TMX2: variants seen among roughly 807,000 people sequenced by gnomAD.
The protein encoded by TMX2 is thioredoxin related transmembrane protein 2.
TMX2 carries 20 observed loss-of-function variants against 33.4 expected under a neutral mutation model. The ratio of observed to expected loss-of-function variants is 0.60; its 90% CI spans 0.42 to 0.87. The LOEUF (loss-of-function observed/expected upper bound fraction) is 0.87, where lower values mean the gene tolerates loss of function less well. TMX2 is among the 40% of genes least tolerant of loss of function. The pLI is 0.00. For missense variants in TMX2, 340 were observed against 370.7 expected (o/e 0.92, Z 0.68); for synonymous variants, 166 against 140.7 (o/e 1.18, Z -1.27).
chr11:57,720,618 G>A (rs987495838), intron 1 of TMX2, among the ~76,000 whole-genome samples: 3 of 152,182 alleles, frequency 2.0e-5, no homozygotes, highest in Admixed American at 6.5e-5. Context: ...GGCTGATCTC[G>A]AACTTCTGGC....
chr11:57,729,788 A>G (rs1948239013), intron 1 of TMX2, among the ~76,000 whole-genome samples: 1 of 152,228 alleles, frequency 6.6e-6, no homozygotes, highest in Admixed American at 6.5e-5. Context: ...AAATATATAA[A>G]GAGCTCTAAT....
rs1948852129 is a variant in TMX2, at chr11:57,737,938, C to T, written c.276C>T (p.Asn92=). Residue 92 remains asparagine (N), a synonymous_variant, in exon 3 of 8, where the codon AAC becomes AAT. Coordinates refer to ENST00000278422, the MANE Select transcript of TMX2 (RefSeq NM_015959.4). ...RSITVEQHIG[N]IFMFSKVANT... ...TCACTGTGGAGCAACATATAGGCAA[C>T]ATTTTCATGTTTAGTAAAGTGGCCA... 6.2e-7 allele frequency: 1 copy of T among 1,614,118 alleles called. No individual in the cohort carries two copies. The highest frequency in any genetic ancestry group is 8.5e-7 in the Non-Finnish European group (1 of 1,179,988).
rs969758576 is a variant in TMX2, at chr11:57,740,629, C to T, written c.*384C>T. The T allele has an allele frequency of 1.2e-5, 2 of 169,644 alleles. No homozygotes were observed. The highest frequency in any genetic ancestry group is 4.8e-5 in the African/African-American group (2 of 41,756). 10.5% of individuals were successfully genotyped at this position (169,644 alleles called of 1,614,324 possible). A position where few individuals can be genotyped will look rare whatever the true frequency, so the allele number is the denominator to read the frequency against. On this transcript the variant is annotated 3_prime_UTR_variant, in exon 8 of 8. Coordinates refer to ENST00000278422, the MANE Select transcript of TMX2 (RefSeq NM_015959.4). ...AGCTTGGTTAGACCTAGATTTAACC[C>T]TAAGGTAAGATGCTGGGGTATAGAA...
At chr11:57,731,125 G>GTTTT (rs757832822) in intron 1 of TMX2, among the ~76,000 whole-genome samples, 2 of 85,816 alleles carry the variant, frequency 2.3e-5, no homozygotes, top group East Asian at 4.2e-4. Flanking sequence ...TTTGTTTTTT[G>GTTTT]TTTTTTTTTT....
intron 1 of TMX2, 111 bp downstream of exon 1, chr11:57,712,918 G>A: frequency 8.4e-7 from 1 of 1,191,850 alleles, no homozygotes; most frequent in Non-Finnish European, 1.2e-6. Flanking sequence ...TTCCGAGCCT[G>A]TAGCGGACTT....
intron 1 of TMX2, among the ~76,000 whole-genome samples, chr11:57,714,769 T>A (rs1316328258): frequency 1.3e-5 from 2 of 151,920 alleles, no homozygotes; most frequent in Non-Finnish European, 1.5e-5. Flanking sequence ...TTTTTAAAAA[T>A]TTTTTTTCAA....
At chr11:57,725,282 C>T (rs947631361) in intron 1 of TMX2, among the ~76,000 whole-genome samples, 1 of 152,120 alleles carries the variant, frequency 6.6e-6, no homozygotes, top group Non-Finnish European at 1.5e-5. Flanking sequence ...AAACCGAAAT[C>T]ATGGTATTCT....
intron 1 of TMX2, among the ~76,000 whole-genome samples, chr11:57,715,586 C>CTTTTTTTTTTTTTTTTTTTTT (rs367827761): frequency 3.2e-4 from 42 of 130,082 alleles, no homozygotes; most frequent in African/African-American, 5.0e-4. Context: ...AATTTGTTTT[C>CTTTTTTTTTTTTTTTTTTTTT]TTTTTTTTTT....
intron 1 of TMX2, among the ~76,000 whole-genome samples, chr11:57,723,663 C>T (rs1947784465): frequency 6.9e-6 from 1 of 144,638 alleles, no homozygotes; most frequent in Non-Finnish European, 1.5e-5. Context: ...ATTAGCCGGG[C>T]ATGGTGGCGA....
Position 57,740,340 on chromosome 11 carries a change from T to C in TMX2, c.*95T>C. On this transcript the variant is annotated 3_prime_UTR_variant, in exon 8 of 8. Transcript: ENST00000278422. The stretch of plus-strand genomic sequence containing the variant: ...TGCAGCCTTTTATTTATGTTTTCCC[T>C]TTGGCTGTGACTGGGTGGGGCAGCA... 7.1e-7 allele frequency: 1 copy of C among 1,411,666 alleles called. No individual in the cohort carries two copies. Among genetic ancestry groups the C allele is most frequent in the Non-Finnish European group, 9.3e-7 (1 of 1,070,544 alleles). 87.4% of individuals were successfully genotyped at this position (1,411,666 alleles called of 1,614,324 possible).
chr11:57,718,345 C>T, intron 1 of TMX2: 1 of 1,535,416 alleles, frequency 6.5e-7, no homozygotes, highest in Non-Finnish European at 9.0e-7. Context: ...AAGTCACCAC[C>T]TGATACATAA....
chr11:57,725,572 A>C (rs977627450), intron 1 of TMX2, among the ~76,000 whole-genome samples: 1 of 152,122 alleles, frequency 6.6e-6, no homozygotes, highest in Non-Finnish European at 1.5e-5. Context: ...CCCTGTCTCT[A>C]CTAAAAATAC....
At chr11:57,723,273 A>G (rs1455373612) in intron 1 of TMX2, among the ~76,000 whole-genome samples, 4 of 150,538 alleles carry the variant, frequency 2.7e-5, no homozygotes, top group Non-Finnish European at 5.9e-5. Flanking sequence ...TGAGGTCAGG[A>G]GTTCGAGACC....
intron 1 of TMX2, chr11:57,718,582 T>C: frequency 1.7e-6 from 1 of 588,908 alleles, no homozygotes; most frequent in Admixed American, 2.6e-5. Context: ...TTTGCCCAAC[T>C]TTTTATATCT....
chr11:57,722,971 C>T (rs960474417), intron 1 of TMX2, among the ~76,000 whole-genome samples: 4 of 151,872 alleles, frequency 2.6e-5, no homozygotes, highest in Non-Finnish European at 5.9e-5. Flanking sequence ...ATTAGCTGGG[C>T]GTGGTGGCGT....
chr11:57,728,859 C>T (rs184837439), intron 1 of TMX2, among the ~76,000 whole-genome samples: 1 of 151,894 alleles, frequency 6.6e-6, no homozygotes, highest in Admixed American at 6.6e-5. Context: ...GTACAGCGGC[C>T]CTAAAGGGAA....
At chr11:57,716,206 G>A (rs1356867231) in intron 1 of TMX2, among the ~76,000 whole-genome samples, 4 of 151,038 alleles carry the variant, frequency 2.6e-5, no homozygotes, top group East Asian at 2.0e-4. Context: ...CTGGCCGGGC[G>A]GGGGGCTGAC....
In TMX2 at chr11:57,738,414, A is replaced by G. The variant is rs138719649; in HGVS notation, c.425A>G (p.Asn142Ser). 124 of 1,611,668 alleles carry G rather than the reference A, an allele frequency of 7.7e-5. No homozygotes were observed. The highest frequency in any genetic ancestry group is 1.6e-4 in the Middle Eastern group (1 of 6,084). ...YMGPEYIKYFNDKTIDEELER... is the reference protein window; with the variant it reads ...YMGPEYIKYFSDKTIDEELER... ...GGCCCTGAGTATATCAAGTACTTCA[A>G]TGATAAAACCATTGATGTGAGTGCT... The change falls in exon 4 of 8, where the codon AAT (asparagine) becomes AGT (serine). Residue 142 changes from asparagine (N) to serine (S), a missense_variant. Physicochemically the swap from Asn to Ser is conservative, Grantham distance 46. Around this residue, in one of 3 missense-constraint regions of TMX2, gnomAD observed 209 missense variants for 241.6 expected, o/e 0.87. Transcript: ENST00000278422.
chr11:57,737,518 A>G (rs1191307836), intron 1 of TMX2, 90 bp from the exon 2 acceptor site: 21 of 1,054,942 alleles, frequency 2.0e-5, no homozygotes, highest in Non-Finnish European at 2.5e-5. Flanking sequence ...TTGGATCGCT[A>G]TTGGTTTTTA....
Sources: gnomAD v4.1 joint callset for allele counts (sites outside exome capture counted in the v4.1 genomes callset) on GRCh38, gnomAD v4.1.1 for gene constraint, gnomAD v4.1.1 regional missense constraint, MANE v1.5 for transcripts, NCBI Gene and HGNC (gene_info 2026-07-23, HGNC 2026-07-21) for gene names.